Variants in TENT5C observed in about 807,000 individuals in gnomAD.
TENT5C encodes terminal nucleotidyltransferase 5C, also known as family with sequence similarity 46 member C.
In TENT5C, 5 loss-of-function variants were observed where a neutral mutation model predicts 22.2. The observed-to-expected ratio is 0.22, with a 90% CI of 0.12 to 0.47. The LOEUF is 0.47. Among genes scored for constraint, TENT5C ranks in the 20% least tolerant of loss-of-function variants. The pLI is 0.99. For synonymous variants in TENT5C, 199 were observed against 195.4 expected, an observed-to-expected ratio of 1.02 and a Z score of -0.15; for missense variants, 364 against 500.9, an observed-to-expected ratio of 0.73 and a Z score of 2.61.
intron 1 of TENT5C, among the ~76,000 whole-genome samples, chr1:117,616,922 A>T (rs1319104665): frequency 6.6e-6 from 1 of 152,214 alleles, no homozygotes; most frequent in Non-Finnish European, 1.5e-5. Flanking sequence ...AGACTTAGAT[A>T]TATGCAGTCC....
intron 1 of TENT5C, among the ~76,000 whole-genome samples, chr1:117,616,530 T>C (rs994807697): frequency 2.0e-5 from 3 of 152,132 alleles, no homozygotes; most frequent in African/African-American, 7.2e-5. Flanking sequence ...GGTGCACGGG[T>C]CCCCTGTTGG....
At position 117,623,813 on chromosome 1, in the gene TENT5C, C is replaced by T. The variant is rs374139482; in HGVS notation, c.945C>T (p.Asn315=). 183 of 1,614,018 alleles carry T rather than the reference C, an allele frequency of 1.1e-4. No homozygotes were observed. Among genetic ancestry groups the T allele is most frequent in the Non-Finnish European group, 1.3e-4 (156 of 1,180,042 alleles). The change falls in exon 2 of 2, where the codon AAC becomes AAT. Residue 315 remains asparagine, a synonymous_variant. Transcript: ENST00000369448. ...TCATGATCCTTCGCAGGGTGGTGAA[C>T]GAGAGCACCGTGTGTCTCATGGGGC... ...DYLMILRRVV[N]ESTVCLMGHE... is the part of the protein sequence containing the mutation.
chr1:117,616,248 C>T (rs1019623963), intron 1 of TENT5C, among the ~76,000 whole-genome samples: 7 of 152,212 alleles, frequency 4.6e-5, no homozygotes, highest in African/African-American at 1.7e-4. Context: ...AGTGAAGTGG[C>T]TCATACTAAG....
chr1:117,612,175 T>G (rs1653682611), intron 1 of TENT5C, among the ~76,000 whole-genome samples: 1 of 152,206 alleles, frequency 6.6e-6, no homozygotes, highest in Non-Finnish European at 1.5e-5. Flanking sequence ...TGTCTCTTTC[T>G]TCCCAGTGCA....
At position 117,624,233 on chromosome 1, in the gene TENT5C, A is replaced by T; in HGVS notation, c.*189A>T. 1.7e-6 allele frequency: 1 copy of T among 581,484 alleles called. No homozygotes were observed. 36.0% of individuals were successfully genotyped at this position (581,484 alleles called of 1,614,324 possible). On this transcript the variant is annotated 3_prime_UTR_variant, in exon 2 of 2. Coordinates refer to ENST00000369448, the MANE Select transcript of TENT5C (RefSeq NM_017709.4). ...ACAGTGTATCATGAGCCAACCCTCA[A>T]AGGACCCGTATTACAGTGCCACGTT... is the stretch of plus-strand genomic sequence containing the variant.
Position 117,624,150 on chromosome 1 carries a change from C to A in TENT5C, c.*106C>A. The A allele has an allele frequency of 1.4e-5, 12 of 868,872 alleles. No homozygotes were observed. Among genetic ancestry groups the A allele is most frequent in the Non-Finnish European group, 1.9e-5 (11 of 572,480 alleles). 53.8% of individuals were successfully genotyped at this position (868,872 alleles called of 1,614,324 possible). A position where few individuals can be genotyped will look rare whatever the true frequency, so the allele number is the denominator to read the frequency against. On this transcript the variant is annotated 3_prime_UTR_variant, in exon 2 of 2. Coordinates refer to ENST00000369448, the MANE Select transcript of TENT5C (RefSeq NM_017709.4). ...GGCATTTGGCTTTTAAAGGGGAACT[C>A]AGCTCTGATTCTGCTTTTTTTTTTT...
intron 1 of TENT5C, among the ~76,000 whole-genome samples, 178 bp downstream of exon 1, chr1:117,606,331 C>T (rs1653528378): frequency 1.3e-5 from 2 of 151,708 alleles, no homozygotes; most frequent in South Asian, 4.2e-4. Context: ...CCCGGTGCTC[C>T]TTTCCCCTCC....
rs955792280 is a variant in TENT5C at position 117,614,393 on chromosome 1, G to A, written c.-28+8240G>A. ...CGAAGCGCCTGGCTCTTTTCTTATGGGTGAAAGAATCTCAAGGGTCAAACT... is the reference window on the plus strand; with the variant it reads ...CGAAGCGCCTGGCTCTTTTCTTATGAGTGAAAGAATCTCAAGGGTCAAACT... On this transcript the variant is annotated intron_variant, in intron 1 of 1. Coordinates refer to ENST00000369448, the MANE Select transcript of TENT5C (RefSeq NM_017709.4). Among the ~76,000 whole-genome samples the A allele has an allele frequency of 5.3e-5, 8 of 152,302 alleles. No homozygotes were observed. The East Asian group carries it at 5.8e-4, about 11-fold the overall frequency.
chr1:117,606,471 C>T (rs529414287), intron 1 of TENT5C, among the ~76,000 whole-genome samples: 3 of 152,336 alleles, frequency 2.0e-5, no homozygotes, highest in African/African-American at 7.2e-5. Flanking sequence ...CTCCGCGCGT[C>T]CTGCAGGCTG....
In TENT5C at chr1:117,623,266, C is replaced by G. The variant is rs1322105910; in HGVS notation, c.398C>G (p.Thr133Ser). Reference protein sequence around the residue: ...GVNKLKISPVTLKEAYVQKLV... With the variant: ...GVNKLKISPVSLKEAYVQKLV... ...AACAAGCTCAAAATCAGTCCAGTCACTCTGAAGGAGGCATATGTGCAGAAG... is the reference window on the plus strand; with the variant it reads ...AACAAGCTCAAAATCAGTCCAGTCAGTCTGAAGGAGGCATATGTGCAGAAG... The change falls in exon 2 of 2, where the codon ACT becomes AGT. Residue 133 changes from threonine (T) to serine (S), a missense_variant. Thr to Ser is a moderately conservative substitution (Grantham distance 58). Coordinates refer to ENST00000369448, the MANE Select transcript of TENT5C (RefSeq NM_017709.4). 2 of 1,614,052 alleles carry G rather than the reference C, an allele frequency of 1.2e-6. No homozygotes were observed. The highest frequency in any genetic ancestry group is 4.5e-5 in the East Asian group (2 of 44,884).
chr1:117,613,641 T>A (rs1653716884), intron 1 of TENT5C, among the ~76,000 whole-genome samples: 1 of 152,216 alleles, frequency 6.6e-6, no homozygotes, highest in African/African-American at 2.4e-5. Flanking sequence ...GTGGCCTGCC[T>A]GGGTTTCAGT....
Position 117,623,963 on chromosome 1 carries a change from T to C in TENT5C, c.1095T>C (p.Asp365=), listed in dbSNP as rs200941594. The change falls in exon 2 of 2, where the codon GAT becomes GAC. Residue 365 remains aspartate (D), a synonymous_variant. Transcript: ENST00000369448. ...ACCAGCCGGCCCCTTACGTCAGTGA[T>C]GGCAACTTCAGCAACTACTACGTTG... ...CYYQPAPYVS[D]GNFSNYYVAH... 4 of 1,613,998 alleles carry C rather than the reference T, an allele frequency of 2.5e-6. No individual in the cohort carries two copies. The highest frequency in any genetic ancestry group is 3.4e-6 in the Non-Finnish European group (4 of 1,180,016).
chr1:117,620,158 TG>T (rs1653862446), intron 1 of TENT5C, among the ~76,000 whole-genome samples: 1 of 152,244 alleles, frequency 6.6e-6, no homozygotes, highest in African/African-American at 2.4e-5. Flanking sequence ...CCTCCTCTAA[TG>T]TTCAGAACCA....
intron 1 of TENT5C, among the ~76,000 whole-genome samples, chr1:117,611,367 C>T (rs1653668580): frequency 6.6e-6 from 1 of 152,206 alleles, no homozygotes; most frequent in Non-Finnish European, 1.5e-5. Flanking sequence ...TTTTTACCTC[C>T]TCTGCTTCTG....
intron 1 of TENT5C, among the ~76,000 whole-genome samples, chr1:117,611,768 GC>G (rs1360144862): frequency 6.6e-6 from 1 of 152,174 alleles, no homozygotes; most frequent in Non-Finnish European, 1.5e-5. Context: ...AATTGCTTGA[GC>G]CCAGGAAGTC....
chr1:117,620,181 T>C (rs1366162493), intron 1 of TENT5C, among the ~76,000 whole-genome samples: 2 of 152,368 alleles, frequency 1.3e-5, no homozygotes, highest in Non-Finnish European at 2.9e-5. Flanking sequence ...CATTGTAGCG[T>C]AGGCATTGTC....
rs779754433 is a variant in TENT5C, at chr1:117,626,078, A to G, written c.*2034A>G. 4 of 247,930 alleles carry G rather than the reference A, an allele frequency of 1.6e-5. No homozygotes were observed. Among genetic ancestry groups the G allele is most frequent in the South Asian group, 1.8e-4 (1 of 5,526 alleles). The allele number at this position is 247,930 out of a possible 1,614,324, so 15.4% of individuals were successfully genotyped here. A position where few individuals can be genotyped will look rare whatever the true frequency, so the allele number is the denominator to read the frequency against. Reference sequence around the variant, plus strand: ...CCTTAAAAAGCTGCCATGGTGGTCAAATGGCATGTGTTTGCACAAAAATGA... The same window carrying G: ...CCTTAAAAAGCTGCCATGGTGGTCAGATGGCATGTGTTTGCACAAAAATGA... On this transcript the variant is annotated 3_prime_UTR_variant, in exon 2 of 2. Transcript: ENST00000369448.
chr1:117,608,633 T>C (rs1169930297), intron 1 of TENT5C, among the ~76,000 whole-genome samples: 2 of 152,188 alleles, frequency 1.3e-5, no homozygotes, highest in African/African-American at 2.4e-5. Context: ...TTAAAAAACT[T>C]TTTTTGTTGT....
chr1:117,621,041 A>G (rs1653882693), intron 1 of TENT5C, among the ~76,000 whole-genome samples: 1 of 152,186 alleles, frequency 6.6e-6, no homozygotes, highest in African/African-American at 2.4e-5. Context: ...CCTTGAAACC[A>G]AATGCCAGTC....
Sources: gnomAD v4.1 joint callset for allele counts (sites outside exome capture counted in the v4.1 genomes callset) on GRCh38, gnomAD v4.1.1 for gene constraint, MANE v1.5 for transcripts, NCBI Gene and HGNC (gene_info 2026-07-23, HGNC 2026-07-21) for gene names.